ANK3: variants seen among roughly 807,000 people sequenced by gnomAD.
ANK3 encodes ankyrin 3, also known as ankyrin-3.
ANK3 carries 57 observed loss-of-function variants against 370.9 expected under a neutral mutation model. The ratio of observed to expected loss-of-function variants is 0.15; its 90% CI spans 0.12 to 0.19. The LOEUF (loss-of-function observed/expected upper bound fraction) is 0.19, where lower values mean the gene tolerates loss of function less well. Ranked by LOEUF, ANK3 falls within the 10% of genes least tolerant of loss-of-function variation. The probability of loss-of-function intolerance (pLI) is 1.00; values close to 1 mark genes in which losing one functional copy is unlikely to be tolerated. For missense variants in ANK3, 4,439 were observed against 5,302.1 expected, an observed-to-expected ratio of 0.84 and a Z score of 5.06; for synonymous variants, 1,929 against 1,946.3, an observed-to-expected ratio of 0.99 and a Z score of 0.23.
chr10:60,601,659 A>G (rs2078066428), intron 2 of ANK3, among the ~76,000 whole-genome samples: 1 of 152,166 alleles, frequency 6.6e-6, no homozygotes, highest in African/African-American at 2.4e-5. Flanking sequence ...CAAAAAATAA[A>G]AAAGGACATT....
At chr10:60,517,481 A>G (rs1280800173) in intron 2 of ANK3, among the ~76,000 whole-genome samples, 2 of 152,128 alleles carry the variant, frequency 1.3e-5, no homozygotes, top group East Asian at 3.9e-4. Flanking sequence ...GTTACCCAGA[A>G]CATGCACCCT....
chr10:60,180,325 C>T (rs1056398179), intron 18 of ANK3, among the ~76,000 whole-genome samples: 6 of 146,878 alleles, frequency 4.1e-5, no homozygotes, highest in Admixed American at 2.0e-4. Flanking sequence ...TGGCTGGGTG[C>T]GGGGGCTCAC....
chr10:60,352,516 T>C (rs2057039124), intron 1 of ANK3, among the ~76,000 whole-genome samples: 1 of 152,260 alleles, frequency 6.6e-6, no homozygotes, highest in South Asian at 2.1e-4. Flanking sequence ...TTCAAGTTAA[T>C]TGGTAGCTGT....
intron 2 of ANK3, among the ~76,000 whole-genome samples, chr10:60,559,984 A>C (rs1011659211): frequency 6.6e-6 from 1 of 152,124 alleles, no homozygotes; most frequent in African/African-American, 2.4e-5. Context: ...CAGAGGTTGC[A>C]GTGACCCAAA....
At chr10:60,272,480 GTTTGTT>G (rs146919341) in intron 4 of ANK3, among the ~76,000 whole-genome samples, 4,884 of 67,836 alleles carry the variant, frequency 0.072, 242 homozygotes, top group African/African-American at 0.2. Context: ...TGTTGTTCTT[GTTTGTT>G]TTTTTTTTGT....
At chr10:60,652,494 A>C (rs915659515) in intron 1 of ANK3, among the ~76,000 whole-genome samples, 1 of 152,100 alleles carries the variant, frequency 6.6e-6, no homozygotes, top group Non-Finnish European at 1.5e-5. Context: ...AAAGAACCTT[A>C]AACCCTTAAT....
chr10:60,496,808 G>T (rs1373886992), intron 2 of ANK3, among the ~76,000 whole-genome samples: 1 of 151,562 alleles, frequency 6.6e-6, no homozygotes, highest in South Asian at 2.1e-4. Flanking sequence ...GAACTGCTTG[G>T]CCGGGAGGTA....
chr10:60,656,265 T>TAA (rs200583747), intron 1 of ANK3, among the ~76,000 whole-genome samples: 6,512 of 152,306 alleles, frequency 0.043, 174 homozygotes, highest in Middle Eastern at 0.075. Context: ...TTAGTACCTT[T>TAA]CATCTAAGTT....
At chr10:60,221,634 GATAA>G (rs2097060401) in intron 8 of ANK3, among the ~76,000 whole-genome samples, 1 of 152,092 alleles carries the variant, frequency 6.6e-6, no homozygotes, top group Non-Finnish European at 1.5e-5. Context: ...ATATTGATTT[GATAA>G]ATAGAGATTC....
intron 2 of ANK3, among the ~76,000 whole-genome samples, chr10:60,466,486 T>C (rs1405960336): frequency 2.6e-5 from 4 of 152,162 alleles, no homozygotes; most frequent in Admixed American, 1.3e-4. Flanking sequence ...TAGGAATGTG[T>C]AGCTGCTTTG....
At chr10:60,066,317 T>A (rs927075556) in intron 38 of ANK3, among the ~76,000 whole-genome samples, 1 of 152,174 alleles carries the variant, frequency 6.6e-6, no homozygotes, top group Admixed American at 6.6e-5. Flanking sequence ...CTGTATTTGC[T>A]TAAGGAAAAT....
intron 1 of ANK3, among the ~76,000 whole-genome samples, chr10:60,702,804 G>A (rs2079562089): frequency 6.6e-6 from 1 of 152,076 alleles, no homozygotes; most frequent in Non-Finnish European, 1.5e-5. Context: ...CAGTGGCTAA[G>A]ATCACAAAAA....
intron 30 of ANK3, among the ~76,000 whole-genome samples, chr10:60,085,959 C>A (rs1322182100): frequency 2.0e-5 from 3 of 152,134 alleles, no homozygotes; most frequent in Non-Finnish European, 4.4e-5. Flanking sequence ...TAAGAAACAG[C>A]TCATTCTGTA....
At position 60,656,500 on chromosome 10, in the gene ANK3, A is replaced by G. The variant is rs139301452; in HGVS notation, c.58-41276T>C. ...CCCTCTATGGTTTGTCTTTTTGTCT[A>G]TTTTACTAATTTCTAGTGTAATAAT... On this transcript the variant is annotated intron_variant, in intron 1 of 43. Transcript: ENST00000373827. Among the ~76,000 whole-genome samples, 653 of 151,476 alleles carry G rather than the reference A, an allele frequency of 4.3e-3. 9 individuals carry two copies. Among genetic ancestry groups the G allele is most frequent in the Admixed American group, 0.027 (404 of 15,230 alleles).
At position 60,069,267 on chromosome 10, in the gene ANK3, G is replaced by T. The variant is rs1246755112; in HGVS notation, c.11614C>A (p.Pro3872Thr). Reference sequence around the variant, plus strand: ...TGGTTCGGTGGGAAGGTATCTTTTGGTGAAGTGGCCTTTATGGGAAGTTTG... The same window carrying T: ...TGGTTCGGTGGGAAGGTATCTTTTGTTGAAGTGGCCTTTATGGGAAGTTTG... ...KSKLPIKATSPKDTFPPNHMS... is the reference protein window; with the variant it reads ...KSKLPIKATSTKDTFPPNHMS... The change falls in exon 37 of 44, where the codon CCA (proline) becomes ACA (threonine). Residue 3872 changes from proline (P) to threonine (T), a missense_variant. This residue lies in a region of ANK3 where 496 missense variants were observed against 529.3 expected (regional missense o/e 0.94). Coordinates refer to ENST00000280772, the MANE Select transcript of ANK3 (RefSeq NM_020987.5). 2 of 1,614,116 alleles carry T rather than the reference G, an allele frequency of 1.2e-6. No individual in the cohort carries two copies. Among genetic ancestry groups the T allele is most frequent in the South Asian group, 2.2e-5 (2 of 91,086 alleles).
intron 39 of ANK3, among the ~76,000 whole-genome samples, chr10:60,063,935 T>C (rs1309700308): frequency 2.6e-5 from 4 of 152,204 alleles, no homozygotes; most frequent in Admixed American, 6.5e-5. Context: ...TCCCTGCTAC[T>C]TGCTTTCCAA....
chr10:60,213,887 C>A lies in ANK3; in HGVS notation c.898-377G>T, dbSNP rs1380373228. On this transcript the variant is annotated intron_variant, in intron 8 of 43. Transcript: ENST00000280772. ...AGAAATTCTACATTGGTTCTTTTTC[C>A]ATTCCATTTCCCCTACATAATTTTA... Among the ~76,000 whole-genome samples the A allele has an allele frequency of 2.0e-5, 3 of 151,974 alleles. No individual in the cohort carries two copies. The East Asian group carries it at 5.8e-4, about 29-fold the overall frequency.
At chr10:60,615,628 G>A (rs1424847150) in intron 1 of ANK3, among the ~76,000 whole-genome samples, 1 of 152,128 alleles carries the variant, frequency 6.6e-6, no homozygotes, top group Non-Finnish European at 1.5e-5. Context: ...GCTGGCATCA[G>A]AAAACATTTT....
chr10:60,155,539 C>G (rs1181991194), intron 23 of ANK3, among the ~76,000 whole-genome samples: 1 of 152,162 alleles, frequency 6.6e-6, no homozygotes, highest in Non-Finnish European at 1.5e-5. Context: ...TGGTGCTACC[C>G]TGGTCTTGGA....
Sources: gnomAD v4.1 joint callset for allele counts (sites outside exome capture counted in the v4.1 genomes callset) on GRCh38, gnomAD v4.1.1 for gene constraint, gnomAD v4.1.1 regional missense constraint, MANE v1.5 for transcripts, NCBI Gene and HGNC (gene_info 2026-07-23, HGNC 2026-07-21) for gene names.